The following ANO3 variants were observed in gnomAD, a reference collection of about 807,000 sequenced individuals.
The protein encoded by ANO3 is anoctamin 3, also known as anoctamin-3.
A neutral mutation model predicts 144.8 loss-of-function variants in ANO3; 99 were observed. The ratio of observed to expected loss-of-function variants is 0.68; its 90% confidence interval spans 0.58 to 0.81. ANO3 has a LOEUF of 0.81. Among genes scored for constraint, ANO3 ranks in the 30% least tolerant of loss-of-function variants. The probability of loss-of-function intolerance (pLI) is 0.00; values close to 1 mark genes in which losing one functional copy is unlikely to be tolerated. For missense variants in ANO3, 905 were observed against 1,202.2 expected (o/e 0.75, Z 3.66); for synonymous variants, 414 against 392.6 (o/e 1.05, Z -0.64).
chr11:26,439,908 T>C (rs1485217120), intron 1 of ANO3, among the ~76,000 whole-genome samples: 2 of 152,206 alleles, frequency 1.3e-5, no homozygotes, highest in East Asian at 3.8e-4. Flanking sequence ...TTTAAAACCT[T>C]TTAAAATGAG....
rs112237313 is a variant in ANO3 at position 26,243,349 on chromosome 11, T to C, written c.154+54019T>C. Among the ~76,000 whole-genome samples the C allele has an allele frequency of 8.1e-3, 1,227 of 152,136 alleles. 11 individuals are homozygous for C. The highest frequency in any genetic ancestry group is 0.025 in the African/African-American group (1,053 of 41,486). Reference sequence around the variant, plus strand: ...AGAATAAAGTAAAGGCTTTTTTTTTTCACAGGACTTCCCAGATTATATGTT... The same window carrying C: ...AGAATAAAGTAAAGGCTTTTTTTTTCCACAGGACTTCCCAGATTATATGTT... On this transcript the variant is annotated intron_variant, in intron 1 of 27. Coordinates refer to the ANO3 transcript ENST00000672621.
chr11:26,609,074 A>T (rs1852016167), intron 17 of ANO3, among the ~76,000 whole-genome samples: 1 of 152,164 alleles, frequency 6.6e-6, no homozygotes. Context: ...GCATGGGTTC[A>T]CAAGTGGGAT....
At chr11:26,373,383 C>G (rs1856316527) in intron 1 of ANO3, among the ~76,000 whole-genome samples, 1 of 152,194 alleles carries the variant, frequency 6.6e-6, no homozygotes, top group Admixed American at 6.5e-5. Context: ...GCTCTTCACA[C>G]TTCTCCCTCC....
intron 23 of ANO3, among the ~76,000 whole-genome samples, chr11:26,646,683 T>A (rs1325709784): frequency 6.6e-6 from 1 of 152,128 alleles, no homozygotes. Context: ...AGCAAATTGC[T>A]CATTTTATTG....
chr11:26,293,876 G>A (rs1459735671), intron 1 of ANO3, among the ~76,000 whole-genome samples: 1 of 152,040 alleles, frequency 6.6e-6, no homozygotes, highest in Non-Finnish European at 1.5e-5. Flanking sequence ...ATTTATAGGT[G>A]AAGAAACTGG....
chr11:26,451,925 T>C (rs969496652), intron 3 of ANO3, among the ~76,000 whole-genome samples: 7 of 152,124 alleles, frequency 4.6e-5, no homozygotes, highest in African/African-American at 1.7e-4. Flanking sequence ...CATTCGCGGT[T>C]CACGAAAAAC....
chr11:26,285,097 A>ATTT (rs60725629), intron 1 of ANO3, among the ~76,000 whole-genome samples: 59 of 149,436 alleles, frequency 3.9e-4, no homozygotes, highest in African/African-American at 9.5e-4. Flanking sequence ...ACTGTGTACA[A>ATTT]TTTTTTTTTT....
intron 1 of ANO3, among the ~76,000 whole-genome samples, chr11:26,376,482 TA>T (rs913899462): frequency 3.3e-5 from 5 of 152,132 alleles, no homozygotes; most frequent in African/African-American, 9.7e-5. Flanking sequence ...CCTCAGTTCA[TA>T]AAAATAAAAC....
At chr11:26,634,767 T>C (rs538273390) in intron 19 of ANO3, among the ~76,000 whole-genome samples, 1 of 152,330 alleles carries the variant, frequency 6.6e-6, no homozygotes, top group South Asian at 2.1e-4. Context: ...GTTAAGACTC[T>C]CTATGTGAGG....
rs531294432 is a variant in ANO3, at chr11:26,292,439, A to G, written c.155-17206A>G. Among the ~76,000 whole-genome samples, 8 of 152,252 alleles carry G rather than the reference A, an allele frequency of 5.3e-5. No homozygotes were observed. The South Asian group carries it at 1.7e-3, about 32-fold the overall frequency. ...AACTCATCAAAGTCATTCTCTATCC[A>G]GCTGTGCTCAGTTGCTGGTGAGGAG... On this transcript the variant is annotated intron_variant, in intron 1 of 27. Coordinates refer to the ANO3 transcript ENST00000672621.
In ANO3 at chr11:26,250,255, G is replaced by C. The variant is rs571522282; in HGVS notation, c.155-59390G>C. Among the ~76,000 whole-genome samples the C allele has an allele frequency of 1.4e-4, 22 of 152,232 alleles. 1 individual carries two copies. The South Asian group carries it at 4.4e-3, about 30-fold the overall frequency. Reference sequence around the variant, plus strand: ...GTTTTCTTTCTTCTGTGGCAGCTATGGGTATTTTATGTTTTCCAGTTGGCT... The same window carrying C: ...GTTTTCTTTCTTCTGTGGCAGCTATCGGTATTTTATGTTTTCCAGTTGGCT... On this transcript the variant is annotated intron_variant, in intron 1 of 27. Coordinates refer to the ANO3 transcript ENST00000672621.
At chr11:26,318,778 G>A (rs1490847570) in intron 1 of ANO3, among the ~76,000 whole-genome samples, 1 of 152,156 alleles carries the variant, frequency 6.6e-6, no homozygotes, top group Non-Finnish European at 1.5e-5. Flanking sequence ...GCACATCTAG[G>A]AATATATTTT....
At position 26,463,047 on chromosome 11, in the gene ANO3, G is replaced by A; in HGVS notation, c.331G>A (p.Asp111Asn). The A allele has an allele frequency of 1.3e-6, 2 of 1,576,926 alleles. No individual in the cohort carries two copies. Among genetic ancestry groups the A allele is most frequent in the Non-Finnish European group, 1.7e-6 (2 of 1,158,752 alleles). ...DFCLALGKDKDYTDESEHATY... is the reference protein window; with the variant it reads ...DFCLALGKDKNYTDESEHATY... ...TTTTATAGCCCTAGGAAAAGATAAG[G>A]ATTACACGGATGAATCAGAACACGC... Residue 111 changes from aspartate to asparagine, a missense_variant, in exon 4 of 27, where the codon GAT becomes AAT. Physicochemically the swap from Asp to Asn is conservative, Grantham distance 23. Transcript: ENST00000256737.
At chr11:26,574,522 C>T (rs1850937461) in intron 14 of ANO3, among the ~76,000 whole-genome samples, 1 of 151,896 alleles carries the variant, frequency 6.6e-6, no homozygotes, top group African/African-American at 2.4e-5. Flanking sequence ...GACATAGGTA[C>T]TTTAAGCAAA....
Position 26,398,311 on chromosome 11 carries a change from T to A in ANO3, c.47-43607T>A, listed in dbSNP as rs954750302. Among the ~76,000 whole-genome samples, 23 of 152,146 alleles carry A rather than the reference T, an allele frequency of 1.5e-4. No homozygotes were observed. The South Asian group carries it at 3.7e-3, about 25-fold the overall frequency. On this transcript the variant is annotated intron_variant, in intron 1 of 26. Transcript: ENST00000256737. Reference sequence around the variant, plus strand: ...TAATAATGAACTCACAGCCAGCATATAATCAAGGAGAATGAGTTCTACAAA... The same window carrying A: ...TAATAATGAACTCACAGCCAGCATAAAATCAAGGAGAATGAGTTCTACAAA...
rs539410941 is a variant in ANO3 at position 26,198,478 on chromosome 11, G to A, written c.154+9148G>A. 4.6e-5 allele frequency among the ~76,000 whole-genome samples: 7 copies of A among 152,194 alleles called. 1 individual carries two copies. The South Asian group carries it at 1.2e-3, about 27-fold the overall frequency. On this transcript the variant is annotated intron_variant, in intron 1 of 27. Coordinates refer to the ANO3 transcript ENST00000672621. ...AAAGTAGAAGCGTTCTGGCCTTTTG[G>A]TAGAATAGATAAATATGGTCCAAAG...
chr11:26,194,474 G>GTGTGTGTATTATTTATTTATTTATTTATT (rs1851543809), intron 1 of ANO3, among the ~76,000 whole-genome samples: 1 of 150,822 alleles, frequency 6.6e-6, no homozygotes, highest in Non-Finnish European at 1.5e-5. Flanking sequence ...GTGTGTGTGT[G>GTGTGTGTATTATTTATTTATTTATTTATT]TGTGTGTGTG....
intron 4 of ANO3, among the ~76,000 whole-genome samples, chr11:26,494,770 C>T (rs1860859114): frequency 1.3e-5 from 2 of 152,170 alleles, no homozygotes; most frequent in Non-Finnish European, 2.9e-5. Flanking sequence ...AAGTTCCTAG[C>T]ATGGAACCCA....
At chr11:26,276,525 A>C (rs571045089) in intron 1 of ANO3, among the ~76,000 whole-genome samples, 1 of 152,280 alleles carries the variant, frequency 6.6e-6, no homozygotes, top group East Asian at 1.9e-4. Flanking sequence ...TGGTGTTCAA[A>C]TAGGGATCCG....
Sources: gnomAD v4.1 joint callset for allele counts (sites outside exome capture counted in the v4.1 genomes callset) on GRCh38, gnomAD v4.1.1 for gene constraint, MANE v1.5 for transcripts, NCBI Gene and HGNC (gene_info 2026-07-23, HGNC 2026-07-21) for gene names.